SEL1L: variants seen among roughly 807,000 people sequenced by gnomAD.
The protein encoded by SEL1L is protein sel-1 homolog 1.
Under a neutral mutation model 109.8 loss-of-function variants are expected in SEL1L, and 52 were observed. That is an observed-to-expected ratio of 0.47 (90% CI 0.38 to 0.60). The LOEUF (loss-of-function observed/expected upper bound fraction) is 0.60. Among genes scored for constraint, SEL1L ranks in the 20% least tolerant of loss-of-function variants. SEL1L has a pLI of 0.00. For missense variants in SEL1L, 749 were observed against 962.2 expected (o/e 0.78, Z 2.93); for synonymous variants, 373 against 339.6 (o/e 1.10, Z -1.08).
intron 9 of SEL1L, 174 bp from the exon 10 acceptor site, chr14:81,498,220 T>C (rs952947701): frequency 8.2e-6 from 7 of 852,328 alleles, no homozygotes; most frequent in Non-Finnish European, 1.2e-5. Flanking sequence ...TTGAACTTTT[T>C]TCACAACGTA....
intron 8 of SEL1L, 51 bp from the exon 9 acceptor site, chr14:81,498,545 C>G (rs1883875678): frequency 7.3e-7 from 1 of 1,362,670 alleles, no homozygotes; most frequent in Admixed American, 1.8e-5. Flanking sequence ...ACTTCAGTGT[C>G]ATTCTTCGTG....
chr14:81,502,688 T>C (rs879277604), intron 6 of SEL1L, 33 bp downstream of exon 6: 5 of 1,604,616 alleles, frequency 3.1e-6, no homozygotes, highest in East Asian at 4.5e-5. Context: ...AAGTGTTACA[T>C]GCAGAGAGAT....
intron 2 of SEL1L, 142 bp downstream of exon 2, chr14:81,527,559 T>C (rs889189430): frequency 1.3e-5 from 7 of 549,404 alleles, no homozygotes; most frequent in Non-Finnish European, 2.2e-5. Flanking sequence ...CTAGAACTAA[T>C]ACTAATACCA....
intron 3 of SEL1L, among the ~76,000 whole-genome samples, chr14:81,516,623 C>T (rs111876888): frequency 6.6e-6 from 1 of 152,140 alleles, no homozygotes; most frequent in Non-Finnish European, 1.5e-5. Context: ...GAGCCCAAAC[C>T]GTACAAACAT....
chr14:81,487,286 T>G (rs1334112602), intron 16 of SEL1L, 104 bp downstream of exon 16: 12 of 1,140,874 alleles, frequency 1.1e-5, no homozygotes, highest in Non-Finnish European at 1.4e-5. Flanking sequence ...AGGCTGAGTC[T>G]AGAACTACAG....
chr14:81,509,480 C>G (rs1255230658), intron 3 of SEL1L, among the ~76,000 whole-genome samples: 2 of 152,108 alleles, frequency 1.3e-5, no homozygotes, highest in African/African-American at 4.8e-5. Context: ...TATTTTGGCT[C>G]TACAATTAAT....
intron 3 of SEL1L, among the ~76,000 whole-genome samples, chr14:81,523,531 C>A (rs918172771): frequency 2.0e-5 from 3 of 152,108 alleles, no homozygotes; most frequent in African/African-American, 7.2e-5. Flanking sequence ...TTTATATTTA[C>A]ATTTACCCAT....
At chr14:81,483,396 A>T (rs1903419552) in intron 19 of SEL1L, among the ~76,000 whole-genome samples, 1 of 152,234 alleles carries the variant, frequency 6.6e-6, no homozygotes, top group Non-Finnish European at 1.5e-5. Context: ...CACTTAGATC[A>T]CTGGTAATAA....
chr14:81,503,193 T>C (rs1049175730), intron 5 of SEL1L, among the ~76,000 whole-genome samples: 1 of 152,144 alleles, frequency 6.6e-6, no homozygotes, highest in Non-Finnish European at 1.5e-5. Context: ...GGTTTCACCA[T>C]GTTGGTCAGG....
intron 15 of SEL1L, 120 bp downstream of exon 15, chr14:81,487,735 G>T: frequency 6.6e-7 from 1 of 1,523,944 alleles, no homozygotes; most frequent in Non-Finnish European, 8.8e-7. Flanking sequence ...TCATTGAACT[G>T]GGAGAACATT....
chr14:81,504,113 G>T, intron 5 of SEL1L, 88 bp downstream of exon 5: 1 of 711,584 alleles, frequency 1.4e-6, no homozygotes, highest in Non-Finnish European at 2.2e-6. Flanking sequence ...CTGCGTCTCT[G>T]GCAGTGCACT....
intron 3 of SEL1L, among the ~76,000 whole-genome samples, chr14:81,512,514 TTCC>T (rs1398944757): frequency 6.6e-6 from 1 of 152,206 alleles, no homozygotes; most frequent in Non-Finnish European, 1.5e-5. Flanking sequence ...GCAACACTTC[TTCC>T]TGAGGACCCA....
intron 9 of SEL1L, 139 bp from the exon 10 acceptor site, chr14:81,498,185 C>A: frequency 2.2e-6 from 2 of 909,538 alleles, no homozygotes; most frequent in South Asian, 1.9e-5. Flanking sequence ...CTATATAGAT[C>A]GCAAATCAGT....
At chr14:81,501,034 A>G (rs773336077) in intron 6 of SEL1L, among the ~76,000 whole-genome samples, 1 of 152,162 alleles carries the variant, frequency 6.6e-6, no homozygotes. Context: ...GTAGAATCAC[A>G]TGCCTGGGGT....
At chr14:81,532,843 T>C (rs1885383661) in intron 1 of SEL1L, among the ~76,000 whole-genome samples, 1 of 152,202 alleles carries the variant, frequency 6.6e-6, no homozygotes, top group Non-Finnish European at 1.5e-5. Flanking sequence ...TCCAAAGTTT[T>C]ACTGTACTAA....
chr14:81,525,329 C>A (rs903612805), intron 3 of SEL1L, among the ~76,000 whole-genome samples: 6 of 151,570 alleles, frequency 4.0e-5, no homozygotes, highest in African/African-American at 1.5e-4. Context: ...AGGGAGATCA[C>A]CTGAGTTCAA....
At chr14:81,509,002 G>A (rs1020289158) in intron 3 of SEL1L, among the ~76,000 whole-genome samples, 3 of 152,210 alleles carry the variant, frequency 2.0e-5, no homozygotes, top group Non-Finnish European at 2.9e-5. Flanking sequence ...AGAATCCTCA[G>A]GAGGCACTTG....
rs1253641517 is a variant in SEL1L, at chr14:81,520,833, T to A, written c.340+5900A>T. ...TCTCTAGAAAATATCACATACACTA[T>A]GTAATTATCAAAGAAGAAACCAGTG... On this transcript the variant is annotated intron_variant, in intron 3 of 20. Coordinates refer to ENST00000336735, the MANE Select transcript of SEL1L (RefSeq NM_005065.6). Among the ~76,000 whole-genome samples, 5 of 152,206 alleles carry A rather than the reference T, an allele frequency of 3.3e-5. 1 individual carries two copies. The highest frequency in any genetic ancestry group is 3.3e-4 in the Admixed American group (5 of 15,284).
chr14:81,529,371 G>A (rs1005590025), intron 1 of SEL1L, among the ~76,000 whole-genome samples: 1 of 152,114 alleles, frequency 6.6e-6, no homozygotes, highest in African/African-American at 2.4e-5. Flanking sequence ...GATATTAAAT[G>A]TTTAAACATA....
Sources: gnomAD v4.1 joint callset for allele counts (sites outside exome capture counted in the v4.1 genomes callset) on GRCh38, gnomAD v4.1.1 for gene constraint, MANE v1.5 for transcripts, NCBI Gene and HGNC (gene_info 2026-07-23, HGNC 2026-07-21) for gene names.